Variants in CHSY3 observed in about 807,000 individuals in gnomAD.
The protein encoded by CHSY3 is chondroitin sulfate synthase 3.
Under a neutral mutation model 67.2 loss-of-function variants are expected in CHSY3, and 35 were observed. The ratio of observed to expected loss-of-function variants is 0.52; its 90% CI spans 0.40 to 0.69. The LOEUF (loss-of-function observed/expected upper bound fraction) is 0.69. Ranked by LOEUF, CHSY3 falls within the 30% of genes least tolerant of loss-of-function variation. The pLI is 0.00. For synonymous variants in CHSY3, 474 were observed against 434.7 expected (o/e 1.09, Z -1.12); for missense variants, 1,069 against 1,138.5 (o/e 0.94, Z 0.88).
Position 130,185,330 on chromosome 5 carries a change from C to T in CHSY3, c.2188C>T (p.Arg730Ter), listed in dbSNP as rs752010144. The change falls in exon 3 of 3, where the codon CGA (arginine) becomes TGA (stop). Residue 730 changes from arginine (R) to a stop codon, truncating the protein, a stop_gained. Coordinates refer to ENST00000305031, the MANE Select transcript of CHSY3 (RefSeq NM_175856.5). LOFTEE classifies it high-confidence loss of function. Reference protein sequence around the residue: ...DLIFREDFLQRCRDNTIQGQQ... With the variant: ...DLIFREDFLQ ...GATCTTCAGAGAAGATTTTCTCCAA[C>T]GATGTAGAGACAATACAATTCAGGG... 1.9e-6 allele frequency: 3 copies of T among 1,607,396 alleles called. No homozygotes were observed. Among genetic ancestry groups the T allele is most frequent in the Non-Finnish European group, 2.6e-6 (3 of 1,174,036 alleles).
At chr5:130,176,053 A>C (rs571654251) in intron 2 of CHSY3, among the ~76,000 whole-genome samples, 80 of 152,330 alleles carry the variant, frequency 5.3e-4, no homozygotes, top group Non-Finnish European at 9.4e-4. Flanking sequence ...CTATCATCAG[A>C]GTGAACAGGC....
intron 2 of CHSY3, among the ~76,000 whole-genome samples, chr5:130,112,807 A>G (rs910186878): frequency 6.6e-6 from 1 of 152,100 alleles, no homozygotes; most frequent in African/African-American, 2.4e-5. Flanking sequence ...AAGAAATGAG[A>G]TTATAGATAT....
At chr5:130,063,827 T>C (rs1343533404) in intron 2 of CHSY3, among the ~76,000 whole-genome samples, 3 of 152,078 alleles carry the variant, frequency 2.0e-5, no homozygotes, top group Non-Finnish European at 4.4e-5. Context: ...TGGAGCCTCT[T>C]TTATCTGGGT....
At chr5:130,016,442 G>A (rs886445837) in intron 2 of CHSY3, among the ~76,000 whole-genome samples, 3 of 152,106 alleles carry the variant, frequency 2.0e-5, no homozygotes, top group African/African-American at 4.8e-5. Flanking sequence ...ACGAAGTCTC[G>A]CTCTTGTCCC....
chr5:129,962,453 C>T (rs1047293837), intron 2 of CHSY3, among the ~76,000 whole-genome samples: 8 of 152,012 alleles, frequency 5.3e-5, no homozygotes, highest in Admixed American at 1.3e-4. Flanking sequence ...GCACAAACTT[C>T]CTAATGCATC....
rs74751217 is a variant in CHSY3 at position 129,968,880 on chromosome 5, G to A, written c.1086+60520G>A. ...GGTATTTGTTAATGCAGATTTCTTG[G>A]CTCCACTCCACAGTTAACTGAGTCA... On this transcript the variant is annotated intron_variant, in intron 2 of 2. Coordinates refer to ENST00000305031, the MANE Select transcript of CHSY3 (RefSeq NM_175856.5). Among the ~76,000 whole-genome samples the A allele has an allele frequency of 4.6e-3, 699 of 151,844 alleles. 5 individuals are homozygous for A. Among genetic ancestry groups the A allele is most frequent in the African/African-American group, 0.016 (657 of 41,490 alleles).
At chr5:130,104,720 T>C (rs1767360299) in intron 2 of CHSY3, among the ~76,000 whole-genome samples, 1 of 151,704 alleles carries the variant, frequency 6.6e-6, no homozygotes, top group African/African-American at 2.4e-5. Context: ...GTTAATGTTT[T>C]TTGTTAATGA....
intron 2 of CHSY3, among the ~76,000 whole-genome samples, chr5:130,137,030 C>G (rs1305237727): frequency 6.6e-6 from 1 of 152,122 alleles, no homozygotes; most frequent in Non-Finnish European, 1.5e-5. Flanking sequence ...TGTTTCCTAC[C>G]TTTGTTCTTT....
chr5:130,163,171 G>A (rs1292034491), intron 2 of CHSY3, among the ~76,000 whole-genome samples: 1 of 152,050 alleles, frequency 6.6e-6, no homozygotes, highest in African/African-American at 2.4e-5. Flanking sequence ...CTTAAAAAAA[G>A]TTAAACATGA....
chr5:130,180,759 G>A (rs924567468), intron 2 of CHSY3, among the ~76,000 whole-genome samples: 35 of 152,246 alleles, frequency 2.3e-4, no homozygotes, highest in African/African-American at 8.2e-4. Context: ...GGAGGCTGAG[G>A]TGGGAGGATT....
intron 2 of CHSY3, among the ~76,000 whole-genome samples, chr5:130,003,729 C>CTCAAATTG (rs1261431562): frequency 1.3e-5 from 2 of 152,026 alleles, no homozygotes; most frequent in Admixed American, 1.3e-4. Context: ...CAATTTGAGA[C>CTCAAATTG]CCTGTGGTCT....
intron 2 of CHSY3, among the ~76,000 whole-genome samples, chr5:130,044,947 C>T (rs893376068): frequency 5.9e-5 from 9 of 151,996 alleles, no homozygotes; most frequent in African/African-American, 2.2e-4. Context: ...GAAAAAATGG[C>T]GGCTAGCATA....
At chr5:130,151,392 G>T (rs186379260) in intron 2 of CHSY3, among the ~76,000 whole-genome samples, 24 of 152,294 alleles carry the variant, frequency 1.6e-4, no homozygotes, top group Non-Finnish European at 2.2e-4. Flanking sequence ...CCAATGAACA[G>T]CATGAACTTC....
chr5:130,100,348 CTA>C (rs1369569440), intron 2 of CHSY3, among the ~76,000 whole-genome samples: 5 of 108,038 alleles, frequency 4.6e-5, no homozygotes, highest in African/African-American at 8.0e-5. Flanking sequence ...CCATGCTTGG[CTA>C]TTTTTTTTTT....
chr5:130,016,791 T>C (rs1374277986), intron 2 of CHSY3, among the ~76,000 whole-genome samples: 1 of 152,216 alleles, frequency 6.6e-6, no homozygotes, highest in Non-Finnish European at 1.5e-5. Flanking sequence ...TAATTAGGCA[T>C]GCGACTATGC....
At chr5:129,919,462 A>G (rs1041730069) in intron 2 of CHSY3, among the ~76,000 whole-genome samples, 21 of 152,278 alleles carry the variant, frequency 1.4e-4, no homozygotes, top group Admixed American at 2.6e-4. Flanking sequence ...AAAGAAAAAG[A>G]GGTTTAATGG....
At chr5:130,154,419 C>T (rs1385786696) in intron 2 of CHSY3, among the ~76,000 whole-genome samples, 1 of 152,194 alleles carries the variant, frequency 6.6e-6, no homozygotes, top group African/African-American at 2.4e-5. Flanking sequence ...GAGGACAAAA[C>T]ATTATGATAG....
chr5:130,158,532 G>A (rs1005890559), intron 2 of CHSY3, among the ~76,000 whole-genome samples: 1 of 152,140 alleles, frequency 6.6e-6, no homozygotes, highest in Non-Finnish European at 1.5e-5. Context: ...CAGATAAAAG[G>A]CATTTATCAT....
At chr5:130,102,014 A>G (rs1335764556) in intron 2 of CHSY3, among the ~76,000 whole-genome samples, 2 of 152,082 alleles carry the variant, frequency 1.3e-5, no homozygotes, top group African/African-American at 4.8e-5. Context: ...GAAAAACAAC[A>G]TTGTTTTGTG....
Sources: gnomAD v4.1 joint callset for allele counts (sites outside exome capture counted in the v4.1 genomes callset) on GRCh38, gnomAD v4.1.1 for gene constraint, MANE v1.5 for transcripts, NCBI Gene and HGNC (gene_info 2026-07-23, HGNC 2026-07-21) for gene names.